ARHGEF33: variants seen among roughly 807,000 people sequenced by gnomAD.
The protein encoded by ARHGEF33 is Rho guanine nucleotide exchange factor 33, also known as DH and coiled-coil domain-containing protein ENSP00000381780.
Under a neutral mutation model 101.9 loss-of-function variants are expected in ARHGEF33, and 72 were observed. The ratio of observed to expected loss-of-function variants is 0.71; its 90% CI spans 0.58 to 0.86. The LOEUF is 0.86. Among genes scored for constraint, ARHGEF33 ranks in the 40% least tolerant of loss-of-function variants. The probability of loss-of-function intolerance (pLI) is 0.00; values close to 1 mark genes in which losing one functional copy is unlikely to be tolerated. For missense variants in ARHGEF33, 1,169 were observed against 1,111.3 expected, an observed-to-expected ratio of 1.05 and a Z score of -0.74; for synonymous variants, 499 against 442.5, an observed-to-expected ratio of 1.13 and a Z score of -1.60.
intron 17 of ARHGEF33, among the ~76,000 whole-genome samples, chr2:38,970,271 G>A (rs955220270): frequency 3.9e-5 from 6 of 152,104 alleles, no homozygotes; most frequent in Admixed American, 2.0e-4. Flanking sequence ...ACAGGGCCCC[G>A]TATGTAATCA....
At chr2:38,953,560 T>C (rs1317375404) in intron 12 of ARHGEF33, among the ~76,000 whole-genome samples, 3 of 152,204 alleles carry the variant, frequency 2.0e-5, no homozygotes, top group Non-Finnish European at 4.4e-5. Context: ...TGGGTTTTTT[T>C]CCAGTCTCAG....
chr2:38,903,027 T>C (rs1348069249), intron 2 of ARHGEF33, among the ~76,000 whole-genome samples: 2 of 152,146 alleles, frequency 1.3e-5, no homozygotes, highest in African/African-American at 2.4e-5. Flanking sequence ...TGCCAAGAGA[T>C]AGGAACGAAA....
chr2:38,950,867 G>A (rs1667582476), intron 10 of ARHGEF33, 122 bp from the exon 11 acceptor site: 17 of 888,946 alleles, frequency 1.9e-5, no homozygotes, highest in Admixed American at 3.0e-5. Context: ...AATCCTTAAT[G>A]CAGGCCTGTG....
At position 38,889,998 on chromosome 2, in the gene ARHGEF33, C is replaced by T. The variant is rs1188920478; in HGVS notation, c.-159+12C>T. The T allele has an allele frequency of 2.2e-6, 1 of 464,788 alleles. No homozygotes were observed. The highest frequency in any genetic ancestry group is 4.5e-6 in the Non-Finnish European group (1 of 224,258). 28.8% of individuals were successfully genotyped at this position (464,788 alleles called of 1,614,324 possible). A position where few individuals can be genotyped will look rare whatever the true frequency, so the allele number is the denominator to read the frequency against. On this transcript the variant is annotated intron_variant, in intron 1 of 17. Transcript: ENST00000409978. Reference sequence around the variant, plus strand: ...GCAGGCAACATGGGGTAAGTATGCGCTTTTATATGCTTTAAGGGGCACTGA... The same window carrying T: ...GCAGGCAACATGGGGTAAGTATGCGTTTTTATATGCTTTAAGGGGCACTGA...
In ARHGEF33 at chr2:38,960,108, C is replaced by A. The variant is rs991051162; in HGVS notation, c.1803C>A (p.Leu601=). 2 of 1,542,350 alleles carry A rather than the reference C, an allele frequency of 1.3e-6. No homozygotes were observed. The highest frequency in any genetic ancestry group is 1.7e-6 in the Non-Finnish European group (2 of 1,145,340). ...VERSLRAPAE[L]LPDARGFVPA... ...GCTCCCTGCGCGCCCCGGCCGAGCT[C>A]CTGCCCGATGCCCGCGGCTTCGTGC... The change falls in exon 16 of 18, where the codon CTC becomes CTA. Residue 601 remains leucine (L), a synonymous_variant. Transcript: ENST00000409978.
intron 2 of ARHGEF33, among the ~76,000 whole-genome samples, chr2:38,897,638 A>G (rs1035435261): frequency 6.6e-6 from 1 of 152,178 alleles, no homozygotes; most frequent in African/African-American, 2.4e-5. Context: ...ATTTGTGGAA[A>G]CCTTGGGAGT....
chr2:38,904,206 A>C (rs1666335340), intron 2 of ARHGEF33, among the ~76,000 whole-genome samples: 2 of 152,170 alleles, frequency 1.3e-5, no homozygotes, highest in Admixed American at 6.5e-5. Flanking sequence ...CCTACATTAG[A>C]CTTTGGAGAA....
At chr2:38,902,072 G>A (rs1447758178) in intron 2 of ARHGEF33, among the ~76,000 whole-genome samples, 5 of 149,544 alleles carry the variant, frequency 3.3e-5, no homozygotes, top group East Asian at 2.0e-4. Context: ...CCGAGATCGC[G>A]CCACTGCACT....
chr2:38,971,837 A>C (rs2124434657), intron 17 of ARHGEF33: 1 of 718,604 alleles, frequency 1.4e-6, no homozygotes, highest in East Asian at 2.7e-5. Flanking sequence ...GGACTTTGAA[A>C]ACTAGACAGG....
intron 2 of ARHGEF33, among the ~76,000 whole-genome samples, chr2:38,907,424 C>A (rs547333881): frequency 6.6e-6 from 1 of 152,172 alleles, no homozygotes; most frequent in Non-Finnish European, 1.5e-5. Flanking sequence ...GTCATTTCAT[C>A]TGAACTATGA....
intron 10 of ARHGEF33, among the ~76,000 whole-genome samples, chr2:38,946,851 C>T (rs985981893): frequency 6.6e-6 from 1 of 152,158 alleles, no homozygotes; most frequent in African/African-American, 2.4e-5. Flanking sequence ...GTCTCGAACT[C>T]CTGACCTCAA....
chr2:38,902,550 C>T (rs2124980779), intron 2 of ARHGEF33, among the ~76,000 whole-genome samples: 1 of 152,260 alleles, frequency 6.6e-6, no homozygotes, highest in East Asian at 1.9e-4. Context: ...TCTGTATAAT[C>T]TTTCTGTTTA....
intron 17 of ARHGEF33, among the ~76,000 whole-genome samples, chr2:38,967,651 C>T (rs940347962): frequency 2.6e-5 from 4 of 152,120 alleles, no homozygotes; most frequent in African/African-American, 9.7e-5. Context: ...TCTCGGTTCA[C>T]TGCAGCCTCT....
intron 7 of ARHGEF33, among the ~76,000 whole-genome samples, chr2:38,933,382 G>GTT (rs145789710): frequency 1.4e-5 from 2 of 148,012 alleles, no homozygotes; most frequent in African/African-American, 5.0e-5. Context: ...TTTTTGTTTT[G>GTT]TTTTTTTTTT....
chr2:38,958,832 C>T (rs1005692403), intron 15 of ARHGEF33, among the ~76,000 whole-genome samples: 1 of 152,146 alleles, frequency 6.6e-6, no homozygotes, highest in African/African-American at 2.4e-5. Context: ...CAGGCACCTG[C>T]CACCATGCCC....
intron 2 of ARHGEF33, among the ~76,000 whole-genome samples, chr2:38,916,497 T>G (rs1666637765): frequency 6.6e-6 from 1 of 152,208 alleles, no homozygotes; most frequent in Admixed American, 6.5e-5. Context: ...GAAGAAAGTT[T>G]TCGTCTTAGT....
At chr2:38,940,338 A>C (rs191821586) in intron 9 of ARHGEF33, among the ~76,000 whole-genome samples, 1 of 151,918 alleles carries the variant, frequency 6.6e-6, no homozygotes, top group East Asian at 1.9e-4. Flanking sequence ...TTTGTTGCCC[A>C]AGCTGGCCTC....
intron 16 of ARHGEF33, 130 bp downstream of exon 16, chr2:38,960,778 G>A (rs1344895222): frequency 3.4e-5 from 26 of 759,520 alleles, no homozygotes; most frequent in Non-Finnish European, 3.0e-5. Context: ...TGCGCGAGCC[G>A]TCGGCGGGTG....
At chr2:38,952,866 T>G (rs1273291633) in intron 11 of ARHGEF33, among the ~76,000 whole-genome samples, 1 of 152,138 alleles carries the variant, frequency 6.6e-6, no homozygotes, top group South Asian at 2.1e-4. Context: ...GCCTGGCTAA[T>G]TTTTTGTATT....
Sources: gnomAD v4.1 joint callset for allele counts (sites outside exome capture counted in the v4.1 genomes callset) on GRCh38, gnomAD v4.1.1 for gene constraint, MANE v1.5 for transcripts, NCBI Gene and HGNC (gene_info 2026-07-23, HGNC 2026-07-21) for gene names.